The following KHDRBS3 variants were observed in gnomAD, a reference collection of about 807,000 sequenced individuals.
KHDRBS3 encodes KH domain-containing, RNA-binding, signal transduction-associated protein 3.
KHDRBS3 carries 23 observed loss-of-function variants against 45.6 expected under a neutral mutation model. The observed-to-expected ratio is 0.50, with a 90% CI of 0.36 to 0.72. The LOEUF is 0.72. Among genes scored for constraint, KHDRBS3 ranks in the 30% least tolerant of loss-of-function variants. The pLI is 0.00. For synonymous variants in KHDRBS3, 162 were observed against 156.5 expected (o/e 1.04, Z -0.26); for missense variants, 352 against 424.8 (o/e 0.83, Z 1.51).
At chr8:135,543,364 C>T (rs1479104903) in intron 3 of KHDRBS3, among the ~76,000 whole-genome samples, 1 of 152,072 alleles carries the variant, frequency 6.6e-6, no homozygotes, top group Non-Finnish European at 1.5e-5. Context: ...TATGCCAATT[C>T]TGAAAATTTT....
At chr8:135,609,918 A>T (rs1337139791) in intron 7 of KHDRBS3, among the ~76,000 whole-genome samples, 2 of 151,868 alleles carry the variant, frequency 1.3e-5, no homozygotes, top group African/African-American at 4.9e-5. Flanking sequence ...TGTGTTTCAG[A>T]TACTATGCTA....
chr8:135,542,663 G>T lies in KHDRBS3; in HGVS notation c.217G>T (p.Val73Leu). 1 of 1,611,620 alleles carries T rather than the reference G, an allele frequency of 6.2e-7. No homozygotes were observed. The highest frequency in any genetic ancestry group is 1.7e-5 in the Admixed American group (1 of 59,862). Residue 73 changes from valine to leucine, a missense_variant, in exon 3 of 9, where the codon GTG becomes TTG. Transcript: ENST00000355849. ...TGTTTATTTTTCCTAGTTCAACTTT[G>T]TGGGGAAACTTTTGGGTCCACGTGG... ...PVKQFPKFNF[V>L]GKLLGPRGNS... is the part of the protein sequence containing the mutation.
chr8:135,618,618 A>G (rs1563809832), intron 7 of KHDRBS3, among the ~76,000 whole-genome samples: 1 of 152,122 alleles, frequency 6.6e-6, no homozygotes. Flanking sequence ...TCTTTCATTG[A>G]TGTCTTAAAG....
chr8:135,547,692 A>C (rs1826379257), intron 3 of KHDRBS3, among the ~76,000 whole-genome samples: 1 of 152,198 alleles, frequency 6.6e-6, no homozygotes, highest in Non-Finnish European at 1.5e-5. Context: ...TGTGAAATTA[A>C]AAGGTGGTAT....
intron 7 of KHDRBS3, among the ~76,000 whole-genome samples, chr8:135,609,943 T>A (rs1829641581): frequency 1.3e-5 from 2 of 151,900 alleles, no homozygotes; most frequent in African/African-American, 4.9e-5. Flanking sequence ...CTTTTTGTAT[T>A]TGATTTCAGT....
intron 1 of KHDRBS3, among the ~76,000 whole-genome samples, chr8:135,464,799 T>C (rs1821615026): frequency 6.6e-6 from 1 of 152,202 alleles, no homozygotes; most frequent in African/African-American, 2.4e-5. Flanking sequence ...GTCAGGAAGG[T>C]CACATAATTT....
intron 2 of KHDRBS3, among the ~76,000 whole-genome samples, chr8:135,528,893 A>G (rs1825327464): frequency 1.3e-5 from 2 of 152,142 alleles, no homozygotes; most frequent in South Asian, 4.1e-4. Flanking sequence ...CACTTCCCAA[A>G]AGGCCCCACC....
At chr8:135,528,476 C>G (rs1825306881) in intron 2 of KHDRBS3, among the ~76,000 whole-genome samples, 1 of 151,998 alleles carries the variant, frequency 6.6e-6, no homozygotes, top group Admixed American at 6.5e-5. Flanking sequence ...TTTGTTGCTC[C>G]TGTTTGATTT....
At chr8:135,539,887 T>C (rs1252061769) in intron 2 of KHDRBS3, 2 of 152,224 alleles carry the variant, frequency 1.3e-5, no homozygotes, top group African/African-American at 2.4e-5. Context: ...TAAAGGTATA[T>C]AAAAGTCAAT....
intron 7 of KHDRBS3, among the ~76,000 whole-genome samples, chr8:135,617,207 G>A (rs1829953944): frequency 1.3e-5 from 2 of 151,654 alleles, no homozygotes; most frequent in Admixed American, 6.6e-5. Context: ...ACCATTGTAA[G>A]CATTTTATGG....
rs11428464 is a variant in KHDRBS3, at chr8:135,530,059, C to CAAAAAAAAA, written c.207+8709_207+8717dup. Among the ~76,000 whole-genome samples, 35 of 136,660 alleles carry CAAAAAAAAA rather than the reference C, an allele frequency of 2.6e-4. 2 individuals are homozygous for CAAAAAAAAA. The highest frequency in any genetic ancestry group is 9.3e-4 in the African/African-American group (32 of 34,416). 89.7% of individuals were successfully genotyped at this position (136,660 alleles called of 152,430 possible). A position where few individuals can be genotyped will look rare whatever the true frequency, so the allele number is the denominator to read the frequency against. ...GGGGCACAAAGTGAGACTCCCATCT[C>CAAAAAAAAA]AAAAAAAAAAAAAGAAATTAAAGTC... On this transcript the variant is annotated intron_variant, in intron 2 of 8. Coordinates refer to ENST00000355849, the MANE Select transcript of KHDRBS3 (RefSeq NM_006558.3).
intron 6 of KHDRBS3, 136 bp downstream of exon 6, chr8:135,582,209 T>G (rs1828249941): frequency 1.2e-6 from 1 of 822,316 alleles, no homozygotes; most frequent in African/African-American, 1.8e-5. Flanking sequence ...AGCAAATATT[T>G]ATTGAGTGCT....
intron 4 of KHDRBS3, among the ~76,000 whole-genome samples, chr8:135,555,373 AT>A (rs113293183): frequency 3.0e-3 from 428 of 140,694 alleles, no homozygotes; most frequent in Middle Eastern, 7.4e-3. Flanking sequence ...AAACATTGAG[AT>A]TTTTTTTTTT....
intron 5 of KHDRBS3, among the ~76,000 whole-genome samples, chr8:135,559,342 A>G (rs1827054619): frequency 6.6e-6 from 1 of 152,006 alleles, no homozygotes; most frequent in Admixed American, 6.6e-5. Flanking sequence ...AATATATTTT[A>G]TTTTATTTTG....
chr8:135,652,320 T>G (rs1229609934), downstream of KHDRBS3, among the ~76,000 whole-genome samples: 1 of 152,242 alleles, frequency 6.6e-6, no homozygotes, highest in Non-Finnish European at 1.5e-5. Flanking sequence ...AAAATCTCAG[T>G]AATGTATTTC....
downstream of KHDRBS3, among the ~76,000 whole-genome samples, chr8:135,652,366 A>G (rs1831447179): frequency 6.6e-6 from 1 of 152,150 alleles, no homozygotes; most frequent in South Asian, 2.1e-4. Flanking sequence ...CATTTTTCAG[A>G]TCTTAATGTG....
chr8:135,516,442 C>T (rs1166753185), intron 1 of KHDRBS3, among the ~76,000 whole-genome samples: 1 of 152,200 alleles, frequency 6.6e-6, no homozygotes, highest in East Asian at 1.9e-4. Context: ...AGGAATTTTT[C>T]AGCTTCATTA....
At chr8:135,481,659 G>T (rs901927772) in intron 1 of KHDRBS3, among the ~76,000 whole-genome samples, 2 of 152,198 alleles carry the variant, frequency 1.3e-5, no homozygotes, top group African/African-American at 4.8e-5. Context: ...GAATAACTAG[G>T]TCAGAGTTAA....
chr8:135,624,164 T>C (rs1830263256), intron 7 of KHDRBS3, among the ~76,000 whole-genome samples: 1 of 152,158 alleles, frequency 6.6e-6, no homozygotes, highest in African/African-American at 2.4e-5. Flanking sequence ...TAACAATGGC[T>C]TTCACTGACC....
Sources: allele counts gnomAD v4.1 joint callset (sites outside exome capture counted in the v4.1 genomes callset), GRCh38; gene constraint gnomAD v4.1.1; transcripts MANE v1.5; gene names NCBI Gene and HGNC (gene_info 2026-07-23, HGNC 2026-07-21).